CD2AP: variants seen among roughly 807,000 people sequenced by gnomAD.
CD2AP encodes the protein CD2-associated protein.
CD2AP carries 46 observed loss-of-function variants against 85.1 expected under a neutral mutation model. The ratio of observed to expected loss-of-function variants is 0.54; its 90% CI spans 0.43 to 0.69. The LOEUF (loss-of-function observed/expected upper bound fraction) is 0.69. Among genes scored for constraint, CD2AP ranks in the 30% least tolerant of loss-of-function variants. The pLI, the probability that CD2AP is intolerant of heterozygous loss-of-function variation, is 0.00. For synonymous variants in CD2AP, 255 were observed against 252.9 expected (o/e 1.01, Z -0.08); for missense variants, 769 against 729.5 (o/e 1.05, Z -0.62).
intron 11 of CD2AP, among the ~76,000 whole-genome samples, chr6:47,585,578 A>G (rs1317590759): frequency 6.6e-6 from 1 of 152,134 alleles, no homozygotes; most frequent in Non-Finnish European, 1.5e-5. Context: ...TGTCCTACAG[A>G]GTTGAGGATG....
intron 4 of CD2AP, chr6:47,545,002 G>T: frequency 3.9e-6 from 1 of 253,768 alleles, no homozygotes; most frequent in South Asian, 7.9e-5. Context: ...CAGTGAAATA[G>T]AAGGAATTTT....
rs1459340231 is a variant in CD2AP at position 47,562,764 on chromosome 6, TG to T, written c.541+7999del. On this transcript the variant is annotated intron_variant, in intron 5 of 17. Transcript: ENST00000359314. ...AAGCCTTAGACAAGTGGCAAGCTCA[TG>T]TTTGTGTGCTTGCATCCAACTGTGA... 2.7e-5 allele frequency: 26 copies of T among 962,054 alleles called. No individual in the cohort carries two copies. The East Asian group carries it at 6.2e-4, about 23-fold the overall frequency. 59.6% of individuals were successfully genotyped at this position (962,054 alleles called of 1,614,324 possible).
intron 1 of CD2AP, among the ~76,000 whole-genome samples, chr6:47,497,722 T>C (rs988602781): frequency 6.6e-6 from 1 of 152,184 alleles, no homozygotes; most frequent in Non-Finnish European, 1.5e-5. Flanking sequence ...CGGACAATTA[T>C]ATTTTGAGCA....
At chr6:47,496,161 G>T (rs1765852293) in intron 1 of CD2AP, among the ~76,000 whole-genome samples, 1 of 151,832 alleles carries the variant, frequency 6.6e-6, no homozygotes, top group Non-Finnish European at 1.5e-5. Flanking sequence ...TTTTTGTGTA[G>T]CAAAGTCCCA....
intron 12 of CD2AP, among the ~76,000 whole-genome samples, chr6:47,598,696 A>G (rs533997417): frequency 4.6e-4 from 69 of 150,810 alleles, no homozygotes; most frequent in African/African-American, 1.6e-3. Context: ...GTGGGAGCTA[A>G]GCTGTGAGGA....
chr6:47,586,965 C>T (rs185629101), intron 11 of CD2AP, among the ~76,000 whole-genome samples: 1 of 152,248 alleles, frequency 6.6e-6, no homozygotes, highest in Non-Finnish European at 1.5e-5. Flanking sequence ...TTCTCATACA[C>T]CTGATATGCC....
chr6:47,544,880 C>A (rs1451287657), intron 4 of CD2AP, 174 bp downstream of exon 4: 2 of 533,090 alleles, frequency 3.8e-6, no homozygotes, highest in Admixed American at 6.9e-5. Context: ...ATTTGTATTT[C>A]CTGCCTTTAG....
intron 13 of CD2AP, among the ~76,000 whole-genome samples, chr6:47,605,815 C>G (rs1769254785): frequency 1.3e-5 from 2 of 151,896 alleles, no homozygotes; most frequent in East Asian, 3.9e-4. Flanking sequence ...AGAAGTAGAT[C>G]TTTGTTAGGA....
At chr6:47,522,118 G>A (rs967785558) in intron 2 of CD2AP, among the ~76,000 whole-genome samples, 3 of 152,146 alleles carry the variant, frequency 2.0e-5, no homozygotes, top group Non-Finnish European at 2.9e-5. Flanking sequence ...TCATATAAAA[G>A]GGTGCAGAGT....
At chr6:47,592,649 G>T (rs889951463) in intron 11 of CD2AP, among the ~76,000 whole-genome samples, 1 of 152,010 alleles carries the variant, frequency 6.6e-6, no homozygotes, top group African/African-American at 2.4e-5. Flanking sequence ...GGATGGGGAG[G>T]GGCCTTGTTG....
chr6:47,510,685 A>G (rs1766287848), intron 2 of CD2AP, among the ~76,000 whole-genome samples: 1 of 152,218 alleles, frequency 6.6e-6, no homozygotes, highest in African/African-American at 2.4e-5. Flanking sequence ...ATAAATTGAA[A>G]CAAAAATTCC....
At position 47,626,245 on chromosome 6, in the gene CD2AP, T is replaced by C. The variant is rs1286098954; in HGVS notation, c.*2018T>C. 1 of 151,898 alleles carries C rather than the reference T, an allele frequency of 6.6e-6. No individual in the cohort carries two copies. Among genetic ancestry groups the C allele is most frequent in the Non-Finnish European group, 1.5e-5 (1 of 67,806 alleles). The allele number at this position is 151,898 out of a possible 1,614,324, so 9.4% of individuals were successfully genotyped here. A position where few individuals can be genotyped will look rare whatever the true frequency, so the allele number is the denominator to read the frequency against. On this transcript the variant is annotated 3_prime_UTR_variant, in exon 18 of 18. Transcript: ENST00000359314. Reference sequence around the variant, plus strand: ...TTGCTTGTGTCCTCCTCAGTCAGAATAGAAAAGTAACTGAAATACTTTTAC... The same window carrying C: ...TTGCTTGTGTCCTCCTCAGTCAGAACAGAAAAGTAACTGAAATACTTTTAC...
chr6:47,488,483 T>G (rs1765623610), intron 1 of CD2AP, among the ~76,000 whole-genome samples: 1 of 152,164 alleles, frequency 6.6e-6, no homozygotes, highest in Non-Finnish European at 1.5e-5. Flanking sequence ...AGAAAGTACA[T>G]TATTTCATAA....
intron 1 of CD2AP, among the ~76,000 whole-genome samples, chr6:47,491,497 A>G (rs1013791270): frequency 2.0e-5 from 3 of 152,092 alleles, no homozygotes; most frequent in African/African-American, 7.2e-5. Context: ...GATCAGTGAT[A>G]TAATATAGAG....
At position 47,609,135 on chromosome 6, in the gene CD2AP, C is replaced by T; in HGVS notation, c.1645C>T (p.Leu549Phe). 2 of 1,612,050 alleles carry T rather than the reference C, an allele frequency of 1.2e-6. No homozygotes were observed. Among genetic ancestry groups the T allele is most frequent in the African/African-American group, 1.3e-5 (1 of 74,814 alleles). The change falls in exon 16 of 18, where the codon CTT becomes TTT. Residue 549 changes from leucine (L) to phenylalanine (F), a missense_variant. Leu to Phe is a conservative substitution (Grantham distance 22, BLOSUM62 0). Coordinates refer to ENST00000359314, the MANE Select transcript of CD2AP (RefSeq NM_012120.3). ...TTTACGTTTTCAGCCATCTGTGTAC[C>T]TTTCAACACCTTCCAGTGCTTCTAA... ...TCYSPKPSVY[L>F]STPSSASKAN...
chr6:47,607,901 C>T (rs891503004), intron 14 of CD2AP, 26 bp from the exon 15 acceptor site: 1 of 1,504,744 alleles, frequency 6.6e-7, no homozygotes, highest in Non-Finnish European at 9.2e-7. Flanking sequence ...TCTATTATGT[C>T]TCTTGACTTC....
chr6:47,547,638 G>C (rs1767402256), intron 4 of CD2AP, among the ~76,000 whole-genome samples: 1 of 152,080 alleles, frequency 6.6e-6, no homozygotes, highest in Non-Finnish European at 1.5e-5. Context: ...AGTCAACAAA[G>C]AAACAGTGAA....
intron 3 of CD2AP, among the ~76,000 whole-genome samples, chr6:47,536,987 T>G (rs1323120028): frequency 6.6e-6 from 1 of 152,210 alleles, no homozygotes; most frequent in Non-Finnish European, 1.5e-5. Flanking sequence ...ATACATAGTG[T>G]TTGCTAATTG....
chr6:47,535,343 A>G (rs1298195509), intron 3 of CD2AP, among the ~76,000 whole-genome samples: 1 of 152,224 alleles, frequency 6.6e-6, no homozygotes, highest in Non-Finnish European at 1.5e-5. Context: ...GTAGTACAAA[A>G]TATTCTACAA....
Sources: allele counts gnomAD v4.1 joint callset (sites outside exome capture counted in the v4.1 genomes callset), GRCh38; gene constraint gnomAD v4.1.1; transcripts MANE v1.5; gene names NCBI Gene and HGNC (gene_info 2026-07-23, HGNC 2026-07-21).